EHMT1: variants seen among roughly 807,000 people sequenced by gnomAD.
The protein encoded by EHMT1 is histone-lysine N-methyltransferase EHMT1.
In EHMT1, 15 loss-of-function variants were observed where a neutral mutation model predicts 147.2. The observed-to-expected ratio is 0.10, with a 90% CI of 0.07 to 0.16. The LOEUF (loss-of-function observed/expected upper bound fraction) is 0.16, where lower values mean the gene tolerates loss of function less well. Ranked by LOEUF, EHMT1 falls within the 10% of genes least tolerant of loss-of-function variation. The probability of loss-of-function intolerance (pLI) is 1.00; values close to 1 mark genes in which losing one functional copy is unlikely to be tolerated. For synonymous variants in EHMT1, 795 were observed against 709.6 expected, an observed-to-expected ratio of 1.12 and a Z score of -1.91; for missense variants, 1,587 against 1,772.4, an observed-to-expected ratio of 0.90 and a Z score of 1.88.
intron 1 of EHMT1, among the ~76,000 whole-genome samples, chr9:137,636,626 T>G (rs1465969250): frequency 6.6e-6 from 1 of 152,202 alleles, no homozygotes; most frequent in East Asian, 1.9e-4. Flanking sequence ...TTTTGTCAAA[T>G]GTTTGTCTCT....
chr9:137,748,135 TATC>T (rs1415599290), intron 6 of EHMT1, among the ~76,000 whole-genome samples: 3 of 152,186 alleles, frequency 2.0e-5, no homozygotes, highest in South Asian at 2.1e-4. Context: ...TCAAAACTGT[TATC>T]ATACTAATGC....
intron 8 of EHMT1, among the ~76,000 whole-genome samples, chr9:137,756,583 T>C (rs1588545726): frequency 6.6e-6 from 1 of 152,332 alleles, no homozygotes; most frequent in East Asian, 1.9e-4. Flanking sequence ...GAGCTGCATG[T>C]GGTGCTTCAG....
chr9:137,679,133 T>C (rs1267707767), intron 1 of EHMT1, among the ~76,000 whole-genome samples: 1 of 152,134 alleles, frequency 6.6e-6, no homozygotes, highest in Non-Finnish European at 1.5e-5. Flanking sequence ...GTACTTTTAA[T>C]AGAGACGGGG....
chr9:137,816,093 A>G lies in EHMT1; in HGVS notation c.3374+31A>G, dbSNP rs200610839. ...AGGCAGCTTCCTGCCGGAGCCCCAC[A>G]TTCTGCTCGTATTAGCACGTATTAG... On this transcript the variant is annotated intron_variant, in intron 23 of 26. Coordinates refer to ENST00000460843, the MANE Select transcript of EHMT1 (RefSeq NM_024757.5). 120 of 1,583,702 alleles carry G rather than the reference A, an allele frequency of 7.6e-5. 1 individual carries two copies. The highest frequency in any genetic ancestry group is 9.9e-5 in the Non-Finnish European group (115 of 1,162,342).
chr9:137,734,657 A>T (rs1947381757), intron 4 of EHMT1, among the ~76,000 whole-genome samples: 1 of 152,254 alleles, frequency 6.6e-6, no homozygotes, highest in Admixed American at 6.5e-5. Context: ...GACACGTTAT[A>T]CTTGAGACAC....
chr9:137,808,308 G>A (rs1026584032), intron 18 of EHMT1, among the ~76,000 whole-genome samples: 2 of 152,216 alleles, frequency 1.3e-5, no homozygotes, highest in East Asian at 3.9e-4. Flanking sequence ...AGCATCCGGG[G>A]GCCCTGCCTG....
In EHMT1 at chr9:137,716,907, A is replaced by G. The variant is rs1222082940; in HGVS notation, c.367A>G (p.Asn123Asp). 1 of 1,612,946 alleles carries G rather than the reference A, an allele frequency of 6.2e-7. No individual in the cohort carries two copies. The highest frequency in any genetic ancestry group is 8.5e-7 in the Non-Finnish European group (1 of 1,179,874). ...DFVQTSVIGS[N>D]GYILNKPALQ... ...TGTGCAGACTTCTGTCATCGGCAGC[A>G]ACGGATACATCTTAAATAAGCCGGC... Residue 123 changes from asparagine to aspartate, a missense_variant, in exon 3 of 27, where the codon AAC becomes GAC. Transcript: ENST00000460843.
intron 6 of EHMT1, among the ~76,000 whole-genome samples, chr9:137,751,002 CAGT>C (rs1948922227): frequency 6.6e-6 from 1 of 152,218 alleles, no homozygotes; most frequent in Non-Finnish European, 1.5e-5. Flanking sequence ...TAGAGTCTGA[CAGT>C]GGTGCTTGCT....
At chr9:137,767,323 C>T (rs1286325205) in intron 10 of EHMT1, among the ~76,000 whole-genome samples, 3 of 152,176 alleles carry the variant, frequency 2.0e-5, no homozygotes, top group Non-Finnish European at 4.4e-5. Context: ...TGCGTAACAG[C>T]GTTCAGCCAA....
intron 1 of EHMT1, among the ~76,000 whole-genome samples, chr9:137,649,415 G>A (rs1428582045): frequency 3.3e-5 from 5 of 151,926 alleles, no homozygotes; most frequent in African/African-American, 9.7e-5. Context: ...AGCTGAGATC[G>A]CGCCATTGCA....
In EHMT1 at chr9:137,724,110, T is replaced by G. The variant is rs377104245; in HGVS notation, c.643-4239T>G. ...GGGGCCCCTTGTTTTTCTCTCTGTG[T>G]GTGTGTTTCCACACCTCACCTCCTG... is the stretch of plus-strand genomic sequence containing the variant. On this transcript the variant is annotated intron_variant, in intron 3 of 26. Transcript: ENST00000460843. Among the ~76,000 whole-genome samples the G allele has an allele frequency of 1.4e-4, 21 of 152,250 alleles. No individual in the cohort carries two copies. In the East Asian group the frequency reaches 1.9e-3, roughly 14 times the overall value.
intron 1 of EHMT1, among the ~76,000 whole-genome samples, chr9:137,681,721 C>G (rs1941958072): frequency 6.6e-6 from 1 of 152,094 alleles, no homozygotes; most frequent in Non-Finnish European, 1.5e-5. Flanking sequence ...CCGAGTCTCC[C>G]CTGCACCTCT....
Position 137,782,207 on chromosome 9 carries a change from A to G in EHMT1, c.2276-84A>G. ...TTTATGTGGAGGATGGTCATTTGTG[A>G]GTGCTTGCCAGCCATCGTGACAGTC... On this transcript the variant is annotated intron_variant, in intron 14 of 26. Coordinates refer to ENST00000460843, the MANE Select transcript of EHMT1 (RefSeq NM_024757.5). The surrounding 1 kb of genome is among the most constrained non-coding windows in gnomAD (Gnocchi z 5.7). 7.7e-7 allele frequency: 1 copy of G among 1,301,718 alleles called. No individual in the cohort carries two copies. 80.6% of individuals were successfully genotyped at this position (1,301,718 alleles called of 1,614,324 possible). A position where few individuals can be genotyped will look rare whatever the true frequency, so the allele number is the denominator to read the frequency against.
chr9:137,791,043 C>T (rs1438612215), intron 16 of EHMT1, 73 bp downstream of exon 16: 5 of 1,612,586 alleles, frequency 3.1e-6, no homozygotes, highest in Non-Finnish European at 3.4e-6. Flanking sequence ...CAAGGGACAT[C>T]CTTACTGACA....
At chr9:137,756,446 C>G (rs1268210226) in intron 8 of EHMT1, among the ~76,000 whole-genome samples, 1 of 152,144 alleles carries the variant, frequency 6.6e-6, no homozygotes, top group African/African-American at 2.4e-5. Context: ...TGTAGAGTAC[C>G]TCTGTTAACT....
At chr9:137,639,382 C>A (rs1334722591) in intron 1 of EHMT1, among the ~76,000 whole-genome samples, 1 of 152,144 alleles carries the variant, frequency 6.6e-6, no homozygotes, top group Non-Finnish European at 1.5e-5. Flanking sequence ...TTCTCATTTT[C>A]TTTCTAGTTC....
At chr9:137,687,125 G>C (rs541914684) in intron 1 of EHMT1, among the ~76,000 whole-genome samples, 1 of 152,204 alleles carries the variant, frequency 6.6e-6, no homozygotes, top group South Asian at 2.1e-4. Context: ...GTCAAATATC[G>C]ATATACTGTA....
At chr9:137,803,362 C>T (rs996361374) in intron 18 of EHMT1, 96 of 945,486 alleles carry the variant, frequency 1.0e-4, no homozygotes, top group Admixed American at 6.2e-4. Context: ...GGTGATCCTC[C>T]GCGCTTCACA....
At chr9:137,779,005 A>T (rs868854693) in intron 13 of EHMT1, among the ~76,000 whole-genome samples, 15 of 152,262 alleles carry the variant, frequency 9.9e-5, no homozygotes, top group African/African-American at 2.6e-4. Flanking sequence ...ACTCATCACC[A>T]GGGGGAGGGA....
Sources: gnomAD v4.1 joint callset for allele counts (sites outside exome capture counted in the v4.1 genomes callset) on GRCh38, gnomAD v4.1.1 for gene constraint, Gnocchi (gnomAD v3.1) non-coding constraint, MANE v1.5 for transcripts, NCBI Gene and HGNC (gene_info 2026-07-23, HGNC 2026-07-21) for gene names.